The following TFEC variants were observed in gnomAD, a reference collection of about 807,000 sequenced individuals.
The protein encoded by TFEC is class E basic helix-loop-helix protein 34.
A neutral mutation model predicts 41.6 loss-of-function variants in TFEC; 31 were observed. That is an observed-to-expected ratio of 0.74 (90% CI 0.56 to 1.01). TFEC has a LOEUF of 1.01. Among genes scored for constraint, TFEC ranks in the 50% least tolerant of loss-of-function variants. TFEC has a pLI of 0.00. For synonymous variants in TFEC, 143 were observed against 140.6 expected (o/e 1.02, Z -0.12); for missense variants, 402 against 404.1 (o/e 0.99, Z 0.04).
At chr7:116,126,962 G>A (rs1798223817) in intron 1 of TFEC, among the ~76,000 whole-genome samples, 1 of 152,144 alleles carries the variant, frequency 6.6e-6, no homozygotes, top group Admixed American at 6.5e-5. Flanking sequence ...GCCAAATACG[G>A]ATTTCTTCCA....
upstream of TFEC, among the ~76,000 whole-genome samples, chr7:116,032,486 G>C (rs1326484252): frequency 6.6e-6 from 1 of 152,102 alleles, no homozygotes; most frequent in Admixed American, 6.6e-5. Flanking sequence ...ATACATCACA[G>C]AATACTATAC....
chr7:115,968,196 T>C (rs1792961306), intron 3 of TFEC: 5 of 1,527,878 alleles, frequency 3.3e-6, no homozygotes, highest in Non-Finnish European at 4.4e-6. Flanking sequence ...AGTTTTAACT[T>C]TGAAGTGTCT....
chr7:115,968,301 T>A (rs10248479), intron 3 of TFEC: 8 of 1,506,862 alleles, frequency 5.3e-6, no homozygotes, highest in Non-Finnish European at 7.1e-6. Flanking sequence ...GTGTGGAAAC[T>A]TCTACACTAA....
At chr7:116,001,517 CA>C (rs912872375) in intron 1 of TFEC, among the ~76,000 whole-genome samples, 2 of 149,534 alleles carry the variant, frequency 1.3e-5, no homozygotes, top group Admixed American at 6.6e-5. Context: ...AAACAACCAA[CA>C]AACAAAAAAA....
intron 1 of TFEC, among the ~76,000 whole-genome samples, chr7:115,996,575 C>A (rs958316257): frequency 2.0e-5 from 3 of 151,888 alleles, no homozygotes; most frequent in African/African-American, 7.3e-5. Context: ...AAGACTTTGT[C>A]TTGCATCTTA....
intron 1 of TFEC, among the ~76,000 whole-genome samples, chr7:116,145,931 T>G (rs532899061): frequency 6.6e-6 from 1 of 152,222 alleles, no homozygotes; most frequent in South Asian, 2.1e-4. Flanking sequence ...ATTTCCTTTA[T>G]ATTTTTGAAC....
In TFEC at chr7:115,946,718, CT is replaced by C. The variant is rs1336280746; in HGVS notation, c.515+4155del. Among the ~76,000 whole-genome samples, 47 of 97,652 alleles carry C rather than the reference CT, an allele frequency of 4.8e-4. 3 individuals carry two copies. The highest frequency in any genetic ancestry group is 1.1e-4 in the Admixed American group (1 of 9,258). 64.1% of individuals were successfully genotyped at this position (97,652 alleles called of 152,430 possible). On this transcript the variant is annotated intron_variant, in intron 6 of 7. Transcript: ENST00000265440. Reference sequence around the variant, plus strand: ...CTCTTCTTTTCTTTTCTTTTCCTTTCTTTTTTTTAGAGGTCGGATCACACCC... The same window carrying C: ...CTCTTCTTTTCTTTTCTTTTCCTTTCTTTTTTTAGAGGTCGGATCACACCC...
At chr7:116,071,998 G>A (rs1250478568) in intron 3 of TFEC, among the ~76,000 whole-genome samples, 1 of 151,440 alleles carries the variant, frequency 6.6e-6, no homozygotes, top group Non-Finnish European at 1.5e-5. Context: ...ATTCATTGTT[G>A]ATTTCTTTCC....
chr7:116,020,800 C>A (rs1016182708), intron 1 of TFEC, among the ~76,000 whole-genome samples: 2 of 151,818 alleles, frequency 1.3e-5, no homozygotes, highest in African/African-American at 4.8e-5. Flanking sequence ...GAGATAGCAT[C>A]TAAGTCCTGA....
intron 1 of TFEC, among the ~76,000 whole-genome samples, chr7:116,003,145 C>T (rs539014248): frequency 6.6e-6 from 1 of 152,154 alleles, no homozygotes; most frequent in African/African-American, 2.4e-5. Context: ...AAGAAATCTA[C>T]TTTAGATGAA....
chr7:116,104,187 T>C (rs1797666315), intron 3 of TFEC, among the ~76,000 whole-genome samples: 1 of 152,124 alleles, frequency 6.6e-6, no homozygotes, highest in South Asian at 2.1e-4. Flanking sequence ...GAAATGTAGG[T>C]ATTGATTAAT....
intron 1 of TFEC, among the ~76,000 whole-genome samples, chr7:116,016,425 A>G (rs1795192369): frequency 6.6e-6 from 1 of 151,966 alleles, no homozygotes; most frequent in African/African-American, 2.4e-5. Flanking sequence ...TATGCTAATG[A>G]CTCCCAAATT....
intron 1 of TFEC, among the ~76,000 whole-genome samples, chr7:116,139,414 C>T (rs935899350): frequency 2.6e-5 from 4 of 152,182 alleles, no homozygotes; most frequent in African/African-American, 7.2e-5. Flanking sequence ...AACCCGTCCT[C>T]AGCCTTTCAA....
intron 6 of TFEC, among the ~76,000 whole-genome samples, chr7:115,942,889 A>G (rs536625785): frequency 6.6e-6 from 1 of 152,170 alleles, no homozygotes; most frequent in South Asian, 2.1e-4. Context: ...AATGAGTCCA[A>G]AGTAATTGCT....
chr7:116,065,361 T>C (rs1287230510), intron 3 of TFEC, among the ~76,000 whole-genome samples: 1 of 152,136 alleles, frequency 6.6e-6, no homozygotes, highest in Non-Finnish European at 1.5e-5. Flanking sequence ...TTAATCATGG[T>C]TTACCTTATC....
chr7:116,101,958 A>AT (rs1433738590), intron 3 of TFEC, among the ~76,000 whole-genome samples: 1 of 152,206 alleles, frequency 6.6e-6, no homozygotes, highest in Non-Finnish European at 1.5e-5. Flanking sequence ...GCTTACTAGT[A>AT]TCCTTTTCTA....
In TFEC at chr7:115,983,809, G is replaced by A. The variant is rs560074065; in HGVS notation, c.180+453C>T. Among the ~76,000 whole-genome samples the A allele has an allele frequency of 2.0e-5, 3 of 152,018 alleles. No homozygotes were observed. In the South Asian group the frequency reaches 6.2e-4, roughly 32 times the overall value. On this transcript the variant is annotated intron_variant, in intron 2 of 7. Coordinates refer to ENST00000265440, the MANE Select transcript of TFEC (RefSeq NM_012252.4). ...AGAAAAGCAAAAGTTAAAAGATCCA[G>A]ATATAATTTCATATAAGTGCAATAA...
At chr7:116,121,477 A>G (rs1277672282) in intron 1 of TFEC, 2 of 152,002 alleles carry the variant, frequency 1.3e-5, no homozygotes. Context: ...TTCTGCAATT[A>G]GATAGTGATG....
At chr7:116,039,603 A>G (rs893458545) in intron 3 of TFEC, among the ~76,000 whole-genome samples, 3 of 152,030 alleles carry the variant, frequency 2.0e-5, no homozygotes, top group African/African-American at 7.2e-5. Flanking sequence ...TCTACAAGCA[A>G]ACAGAAAGTT....
Sources: gnomAD v4.1 joint callset for allele counts (sites outside exome capture counted in the v4.1 genomes callset) on GRCh38, gnomAD v4.1.1 for gene constraint, MANE v1.5 for transcripts, NCBI Gene and HGNC (gene_info 2026-07-23, HGNC 2026-07-21) for gene names.